The following SNAP25 variants were observed in gnomAD, a reference collection of about 807,000 sequenced individuals.
The protein encoded by SNAP25 is synaptosome associated protein 25.
A neutral mutation model predicts 28.7 loss-of-function variants in SNAP25; 3 were observed. The ratio of observed to expected loss-of-function variants is 0.10; its 90% CI spans 0.05 to 0.27. SNAP25 has a LOEUF of 0.27. SNAP25 is among the 10% of genes least tolerant of loss of function. The probability of loss-of-function intolerance (pLI) is 1.00; values close to 1 mark genes in which losing one functional copy is unlikely to be tolerated. For missense variants in SNAP25, 117 were observed against 278.7 expected, an observed-to-expected ratio of 0.42 and a Z score of 4.13; for synonymous variants, 61 against 88.1, an observed-to-expected ratio of 0.69 and a Z score of 1.72.
intron 2 of SNAP25, 136 bp from the exon 3 acceptor site, chr20:10,277,549 G>T: frequency 1.5e-6 from 1 of 682,810 alleles, no homozygotes; most frequent in African/African-American, 1.8e-5. Flanking sequence ...GACATTTTTT[G>T]TTTCACTTGC....
At chr20:10,297,724 G>A (rs3223) in intron 6 of SNAP25, among the ~76,000 whole-genome samples, 40,517 of 151,988 alleles carry the variant, frequency 0.27, 5,950 homozygotes, top group African/African-American at 0.39. Flanking sequence ...AAATGCTGTA[G>A]CCCCTCACTC....
chr20:10,261,752 T>C (rs2063418043), intron 1 of SNAP25, among the ~76,000 whole-genome samples: 1 of 152,200 alleles, frequency 6.6e-6, no homozygotes. Context: ...CGTGCATTTA[T>C]GCCTAAATTG....
chr20:10,232,254 T>C lies in SNAP25; in HGVS notation c.-64+13277T>C, dbSNP rs542083858. 5.9e-5 allele frequency among the ~76,000 whole-genome samples: 9 copies of C among 152,366 alleles called. No homozygotes were observed. The South Asian group carries it at 1.2e-3, about 21-fold the overall frequency. ...AAAAGGAACTGACAATTGTTGTCTG[T>C]ATCCTCGATTCAAAAATACCAAGGA... is the stretch of plus-strand genomic sequence containing the variant. On this transcript the variant is annotated intron_variant, in intron 1 of 7. Coordinates refer to ENST00000254976, the MANE Select transcript of SNAP25 (RefSeq NM_130811.4).
intron 1 of SNAP25, among the ~76,000 whole-genome samples, chr20:10,233,129 G>A (rs1464560656): frequency 1.3e-5 from 2 of 152,108 alleles, no homozygotes; most frequent in Non-Finnish European, 2.9e-5. Flanking sequence ...TGGTCCTCTG[G>A]TTCACGTCTT....
intron 1 of SNAP25, among the ~76,000 whole-genome samples, chr20:10,224,639 A>G (rs2062702604): frequency 6.6e-6 from 1 of 151,924 alleles, no homozygotes; most frequent in Non-Finnish European, 1.5e-5. Context: ...AATTACATTC[A>G]TCGCCTCCCT....
chr20:10,242,658 T>A (rs2063055374), intron 1 of SNAP25, among the ~76,000 whole-genome samples: 1 of 152,116 alleles, frequency 6.6e-6, no homozygotes, highest in Admixed American at 6.5e-5. Flanking sequence ...TAAAAGCAAA[T>A]GAGCTAACAG....
intron 1 of SNAP25, among the ~76,000 whole-genome samples, chr20:10,275,069 TTAAATAAATAAA>T (rs377525248): frequency 2.2e-3 from 289 of 131,976 alleles, no homozygotes; most frequent in African/African-American, 6.8e-3. Flanking sequence ...ATAGAGCTAT[TTAAATAAATAAA>T]TAAATAAATA....
chr20:10,225,686 C>A (rs560243260), intron 1 of SNAP25, among the ~76,000 whole-genome samples: 1 of 152,226 alleles, frequency 6.6e-6, no homozygotes, highest in East Asian at 1.9e-4. Flanking sequence ...TCTTAATCTT[C>A]CAAGGTGGTC....
intron 1 of SNAP25, among the ~76,000 whole-genome samples, chr20:10,243,487 T>A (rs2063070649): frequency 3.3e-5 from 5 of 152,182 alleles, no homozygotes; most frequent in Admixed American, 2.6e-4. Flanking sequence ...CCTGTTTTCT[T>A]TAGTTTGTGA....
chr20:10,229,898 A>C (rs779221581), intron 1 of SNAP25, among the ~76,000 whole-genome samples: 5 of 152,106 alleles, frequency 3.3e-5, no homozygotes, highest in Non-Finnish European at 4.4e-5. Context: ...TGGGGGAAAA[A>C]AGAAGAAGAA....
At chr20:10,250,991 CACA>C (rs761712553) in intron 1 of SNAP25, among the ~76,000 whole-genome samples, 9 of 152,176 alleles carry the variant, frequency 5.9e-5, no homozygotes, top group Non-Finnish European at 1.3e-4. Flanking sequence ...ATGATGTTTA[CACA>C]ACGATGAAAT....
At chr20:10,284,449 T>C (rs913684023) in intron 3 of SNAP25, among the ~76,000 whole-genome samples, 1 of 152,220 alleles carries the variant, frequency 6.6e-6, no homozygotes, top group Non-Finnish European at 1.5e-5. Context: ...ATGTGTATTC[T>C]GATTTCATGC....
intron 1 of SNAP25, among the ~76,000 whole-genome samples, chr20:10,244,833 C>T (rs1451043097): frequency 2.0e-5 from 3 of 151,324 alleles, no homozygotes; most frequent in African/African-American, 4.9e-5. Flanking sequence ...CAGGTTCAAG[C>T]GATTCTCCTG....
At chr20:10,246,337 G>T (rs1308003879) in intron 1 of SNAP25, among the ~76,000 whole-genome samples, 3 of 152,176 alleles carry the variant, frequency 2.0e-5, no homozygotes, top group South Asian at 2.1e-4. Context: ...GGAGAAGGTG[G>T]AGAGAGAGAT....
At chr20:10,260,026 A>G (rs1016530866) in intron 1 of SNAP25, among the ~76,000 whole-genome samples, 2 of 152,198 alleles carry the variant, frequency 1.3e-5, no homozygotes, top group African/African-American at 4.8e-5. Context: ...TCCCTGAAAT[A>G]GGGAACTCAC....
chr20:10,231,798 G>A (rs2062833762), intron 1 of SNAP25, among the ~76,000 whole-genome samples: 2 of 152,136 alleles, frequency 1.3e-5, no homozygotes, highest in South Asian at 4.1e-4. Flanking sequence ...CAGATTTTCA[G>A]ATTTGGGATG....
chr20:10,260,768 G>A (rs2063401276), intron 1 of SNAP25, among the ~76,000 whole-genome samples: 1 of 151,508 alleles, frequency 6.6e-6, no homozygotes, highest in South Asian at 2.1e-4. Flanking sequence ...TGGGATGGTA[G>A]TACATTTACA....
At chr20:10,259,383 T>C (rs1416422309) in intron 1 of SNAP25, among the ~76,000 whole-genome samples, 1 of 152,154 alleles carries the variant, frequency 6.6e-6, no homozygotes, top group African/African-American at 2.4e-5. Flanking sequence ...GAGGAGCAGA[T>C]GGTGTTTCTT....
At chr20:10,245,913 G>T (rs981640057) in intron 1 of SNAP25, among the ~76,000 whole-genome samples, 3 of 152,118 alleles carry the variant, frequency 2.0e-5, no homozygotes, top group Admixed American at 1.3e-4. Flanking sequence ...TCCAAAATTG[G>T]CAGGGAGGAA....
Sources: allele counts gnomAD v4.1 joint callset (sites outside exome capture counted in the v4.1 genomes callset), GRCh38; gene constraint gnomAD v4.1.1; transcripts MANE v1.5; gene names NCBI Gene and HGNC (gene_info 2026-07-23, HGNC 2026-07-21).